The following C16orf95 variants were observed in gnomAD, a reference collection of about 807,000 sequenced individuals.
C16orf95 encodes the protein uncharacterized protein C16orf95.
A neutral mutation model predicts 32.1 loss-of-function variants in C16orf95; 41 were observed. The observed-to-expected ratio is 1.28, with a 90% CI of 1.00 to 1.66. The LOEUF (loss-of-function observed/expected upper bound fraction) is 1.66. C16orf95 is among the 40% of genes most tolerant of loss of function. C16orf95 has a pLI of 0.00. For synonymous variants in C16orf95, 147 were observed against 128.9 expected, an observed-to-expected ratio of 1.14 and a Z score of -0.95; for missense variants, 399 against 325.9, an observed-to-expected ratio of 1.22 and a Z score of -1.73.
rs552988095 is a variant in C16orf95 at position 87,315,720 on chromosome 16, C to A, written c.204+52G>T. 47 of 1,403,214 alleles carry A rather than the reference C, an allele frequency of 3.3e-5. No individual in the cohort carries two copies. In the African/African-American group the frequency reaches 5.9e-4, roughly 18 times the overall value. The allele number at this position is 1,403,214 out of a possible 1,614,324, so 86.9% of individuals were successfully genotyped here. ...CCCACATTCCCTGCTCTCCTCACCC[C>A]ACAGGGATATGTTGGGGTCAGGGCC... On this transcript the variant is annotated intron_variant, in intron 2 of 6. Transcript: ENST00000567970.
chr16:87,310,345 G>A lies in C16orf95; in HGVS notation c.478-12C>T. 1 of 1,536,068 alleles carries A rather than the reference G, an allele frequency of 6.5e-7. No individual in the cohort carries two copies. Among genetic ancestry groups the A allele is most frequent in the Non-Finnish European group, 8.7e-7 (1 of 1,146,902 alleles). ...TGCCTCCTGACTATCTAAAAGACAA[G>A]AATGGAGGCAAGCAGTCAGCCTGGC... On this transcript the variant is annotated splice_polypyrimidine_tract_variant and intron_variant, in intron 4 of 6. Transcript: ENST00000567970.
intron 5 of C16orf95, among the ~76,000 whole-genome samples, chr16:87,308,519 T>C (rs971184386): frequency 1.4e-4 from 20 of 147,378 alleles, no homozygotes; most frequent in Admixed American, 2.7e-4. Context: ...AATAAATAAA[T>C]AAGCAGATGT....
intron 4 of C16orf95, among the ~76,000 whole-genome samples, chr16:87,310,613 G>T (rs1597345122): frequency 1.3e-5 from 2 of 152,228 alleles, no homozygotes; most frequent in African/African-American, 4.8e-5. Context: ...GGGCTAGGAA[G>T]AGACCTGCTG....
At chr16:87,313,068 T>C (rs918677896) in intron 3 of C16orf95, among the ~76,000 whole-genome samples, 1 of 151,920 alleles carries the variant, frequency 6.6e-6, no homozygotes, top group African/African-American at 2.4e-5. Flanking sequence ...GGTCAAAAGA[T>C]TCAATATTTT....
intron 3 of C16orf95, among the ~76,000 whole-genome samples, chr16:87,313,061 C>T (rs1911354449): frequency 6.6e-6 from 1 of 151,778 alleles, no homozygotes; most frequent in South Asian, 2.1e-4. Flanking sequence ...GTTTATGGGT[C>T]AAAAGATTCA....
chr16:87,311,337 G>A, intron 3 of C16orf95, 41 bp from the exon 4 acceptor site: 1 of 1,487,090 alleles, frequency 6.7e-7, no homozygotes, highest in South Asian at 1.3e-5. Flanking sequence ...GAAGGGGATG[G>A]AGCCATGCCT....
Position 87,317,139 on chromosome 16 carries a change from C to T in C16orf95, c.104G>A (p.Cys35Tyr). The T allele has an allele frequency of 2.0e-6, 3 of 1,534,234 alleles. No homozygotes were observed. Among genetic ancestry groups the T allele is most frequent in the Non-Finnish European group, 2.6e-6 (3 of 1,145,852 alleles). The change falls in exon 1 of 7, where the codon TGC becomes TAC. Residue 35 changes from cysteine (C) to tyrosine (Y), a missense_variant. Coordinates refer to ENST00000567970, the MANE Select transcript of C16orf95 (RefSeq NM_001195124.3). ...GAGTGCCAACCTGCAGAGCCCGACGCACCCCGCGCCCGGCCCCCCGGCAGC... is the reference window on the plus strand; with the variant it reads ...GAGTGCCAACCTGCAGAGCCCGACGTACCCCGCGCCCGGCCCCCCGGCAGC... ...GAAAGGPGAGCVGLCRLALTP... is the reference protein window; with the variant it reads ...GAAAGGPGAGYVGLCRLALTP...
rs1911265273 is a variant in C16orf95 at position 87,311,142 on chromosome 16, C to G, written c.477+8G>C. 1 of 1,518,688 alleles carries G rather than the reference C, an allele frequency of 6.6e-7. No individual in the cohort carries two copies. The highest frequency in any genetic ancestry group is 8.8e-7 in the Non-Finnish European group (1 of 1,134,440). 94.1% of individuals were successfully genotyped at this position (1,518,688 alleles called of 1,614,324 possible). Reference sequence around the variant, plus strand: ...CAGTTCTCACTGCAGTGTGCGCCTCCTCCTTACCTGCTGCTGAGACCTCAG... The same window carrying G: ...CAGTTCTCACTGCAGTGTGCGCCTCGTCCTTACCTGCTGCTGAGACCTCAG... On this transcript the variant is annotated splice_region_variant and intron_variant, in intron 4 of 6. Transcript: ENST00000567970.
chr16:87,310,221 C>A, intron 5 of C16orf95, 76 bp downstream of exon 5: 1 of 1,418,260 alleles, frequency 7.1e-7, no homozygotes, highest in Non-Finnish European at 9.6e-7. Context: ...GAGGTCTGCC[C>A]CCACCATCAT....
intron 6 of C16orf95, among the ~76,000 whole-genome samples, chr16:87,304,332 G>GT: frequency 1.1e-5 from 1 of 92,592 alleles, no homozygotes; most frequent in East Asian, 2.3e-4. Context: ...TGGGATCCAG[G>GT]TGTGGGCCAC....
At chr16:87,310,378 C>T in intron 4 of C16orf95, 45 bp from the exon 5 acceptor site, 1 of 1,532,394 alleles carries the variant, frequency 6.5e-7, no homozygotes, top group Non-Finnish European at 8.7e-7. Context: ...GGCGACCCTC[C>T]AAGGGGGAAG....
Position 87,305,150 on chromosome 16 carries a change from C to CGGGGAGTGG in C16orf95, c.701+568_701+569insCCACTCCCC. Among the ~76,000 whole-genome samples the CGGGGAGTGG allele has an allele frequency of 6.6e-6, 1 of 152,244 alleles. No homozygotes were observed. The highest frequency in any genetic ancestry group is 3.4e-3 in the Middle Eastern group (1 of 294). ...CCCAGCTGTGGCCCGGGGAGTGGCC[C>CGGGGAGTGG]CGGAGGCTTCCTGGGGGAGGTATCC... is the stretch of plus-strand genomic sequence containing the variant. On this transcript the variant is annotated intron_variant, in intron 6 of 6. Transcript: ENST00000567970. This position sits in a 1 kb window ranked among gnomAD's most constrained non-coding sequence, Gnocchi z 4.2.
rs531620523 is a variant in C16orf95 at position 87,303,980 on chromosome 16, G to A, written c.702-905C>T. ...CCAGGGCTTAGCAATTCCCTTTTGGGCCCCCTGACCATCTACTTAACATTG... is the reference window on the plus strand; with the variant it reads ...CCAGGGCTTAGCAATTCCCTTTTGGACCCCCTGACCATCTACTTAACATTG... On this transcript the variant is annotated intron_variant, in intron 6 of 6. Transcript: ENST00000567970. Among the ~76,000 whole-genome samples the A allele has an allele frequency of 3.9e-5, 6 of 152,080 alleles. No homozygotes were observed. The East Asian group carries it at 9.7e-4, about 25-fold the overall frequency.
chr16:87,308,127 G>A (rs1911108757), intron 5 of C16orf95, among the ~76,000 whole-genome samples: 1 of 152,162 alleles, frequency 6.6e-6, no homozygotes, highest in South Asian at 2.1e-4. Flanking sequence ...GGACTCTGGT[G>A]GAGCTTTCCA....
At chr16:87,306,079 C>T (rs866377823) in intron 5 of C16orf95, 174 bp from the exon 6 acceptor site, 28 of 455,584 alleles carry the variant, frequency 6.1e-5, no homozygotes, top group Admixed American at 6.0e-4. Flanking sequence ...GGCCGTCTTG[C>T]GGGTTTATGA....
At chr16:87,308,257 A>T (rs1295877241) in intron 5 of C16orf95, among the ~76,000 whole-genome samples, 1 of 151,990 alleles carries the variant, frequency 6.6e-6, no homozygotes, top group Non-Finnish European at 1.5e-5. Flanking sequence ...CCAAGGTGGG[A>T]GGATCACGAG....
At position 87,309,201 on chromosome 16, in the gene C16orf95, T is replaced by C. The variant is rs116410943; in HGVS notation, c.514+1096A>G. On this transcript the variant is annotated intron_variant, in intron 5 of 6. Coordinates refer to ENST00000567970, the MANE Select transcript of C16orf95 (RefSeq NM_001195124.3). ...TTTAGCAGAGTTCATGCTGCTCTGA[T>C]AGGGACTCTTTTTAAACTGATGTCT... 6.4e-3 allele frequency among the ~76,000 whole-genome samples: 975 copies of C among 152,244 alleles called. 15 individuals are homozygous for C. The highest frequency in any genetic ancestry group is 0.02 in the African/African-American group (830 of 41,538).
At chr16:87,315,152 C>T in intron 2 of C16orf95, 56 bp from the exon 3 acceptor site, 1 of 1,517,630 alleles carries the variant, frequency 6.6e-7, no homozygotes. Context: ...TGCAGGGAGA[C>T]AGGAGGCTCT....
At chr16:87,303,204 A>T in intron 6 of C16orf95, 129 bp from the exon 7 acceptor site, 1 of 900,152 alleles carries the variant, frequency 1.1e-6, no homozygotes, top group Non-Finnish European at 1.8e-6. Context: ...GGGCTGGAGG[A>T]ATCCCAGGCA....
Sources: gnomAD v4.1 joint callset for allele counts (sites outside exome capture counted in the v4.1 genomes callset) on GRCh38, gnomAD v4.1.1 for gene constraint, Gnocchi (gnomAD v3.1) non-coding constraint, MANE v1.5 for transcripts, NCBI Gene and HGNC (gene_info 2026-07-23, HGNC 2026-07-21) for gene names.